Variants in ABCC4 observed in about 807,000 individuals in gnomAD.
ABCC4 encodes the protein ATP-binding cassette sub-family C member 4.
Under a neutral mutation model 168.5 loss-of-function variants are expected in ABCC4, and 102 were observed. That is an observed-to-expected ratio of 0.61 (90% CI 0.52 to 0.71). The LOEUF (loss-of-function observed/expected upper bound fraction) is 0.71, where lower values mean the gene tolerates loss of function less well. ABCC4 is among the 30% of genes least tolerant of loss of function. The probability of loss-of-function intolerance (pLI) is 0.00; values close to 1 mark genes in which losing one functional copy is unlikely to be tolerated. For missense variants in ABCC4, 1,402 were observed against 1,605.8 expected, an observed-to-expected ratio of 0.87 and a Z score of 2.17; for synonymous variants, 617 against 590.7, an observed-to-expected ratio of 1.04 and a Z score of -0.65.
At chr13:95,031,264 G>A (rs1438640503) in intron 30 of ABCC4, among the ~76,000 whole-genome samples, 4 of 152,172 alleles carry the variant, frequency 2.6e-5, no homozygotes, top group African/African-American at 9.7e-5. Flanking sequence ...TAGAGGAGGT[G>A]ACCTGAGCCA....
chr13:95,063,257 G>A (rs1220827949), intron 25 of ABCC4, among the ~76,000 whole-genome samples: 1 of 152,154 alleles, frequency 6.6e-6, no homozygotes, highest in Non-Finnish European at 1.5e-5. Context: ...TCTCCTAAGT[G>A]GCCCATGAAA....
Position 95,291,355 on chromosome 13 carries a change from C to CA in ABCC4, c.74+9885dup, listed in dbSNP as rs773811081. 6.7e-3 allele frequency among the ~76,000 whole-genome samples: 901 copies of CA among 134,648 alleles called. 6 individuals carry two copies. The highest frequency in any genetic ancestry group is 0.042 in the Middle Eastern group (11 of 264). 88.3% of individuals were successfully genotyped at this position (134,648 alleles called of 152,430 possible). ...TGGCTGGCAAGGCAAGATCCTGTCT[C>CA]AAAAAAAAAAAAAAGACAGAAGTGC... On this transcript the variant is annotated intron_variant, in intron 1 of 30. Transcript: ENST00000645237.
chr13:95,176,167 G>A (rs1389782976), intron 13 of ABCC4, among the ~76,000 whole-genome samples: 7 of 141,244 alleles, frequency 5.0e-5, no homozygotes, highest in South Asian at 4.5e-4. Flanking sequence ...AAAGATTGTC[G>A]TATGCCAGGT....
chr13:95,037,123 C>T (rs2139228272), intron 29 of ABCC4, among the ~76,000 whole-genome samples: 1 of 148,744 alleles, frequency 6.7e-6, no homozygotes, highest in Middle Eastern at 3.6e-3. Flanking sequence ...CCAAATAACC[C>T]CCCAAATATA....
At chr13:95,030,794 TCTGTGCTA>T in intron 30 of ABCC4, among the ~76,000 whole-genome samples, 1 of 152,358 alleles carries the variant, frequency 6.6e-6, no homozygotes. Context: ...AGCCAGCTAG[TCTGTGCTA>T]CTTTGCTATG....
At chr13:95,113,992 A>G (rs1471252855) in intron 20 of ABCC4, among the ~76,000 whole-genome samples, 1 of 152,190 alleles carries the variant, frequency 6.6e-6, no homozygotes, top group Admixed American at 6.5e-5. Context: ...CCTGCAAACA[A>G]AACAAGTGAC....
intron 19 of ABCC4, among the ~76,000 whole-genome samples, chr13:95,134,518 C>T (rs986530821): frequency 8.6e-5 from 13 of 151,978 alleles, no homozygotes; most frequent in Admixed American, 7.2e-4. Flanking sequence ...CTCAGGAGTT[C>T]GAGATCAGCC....
At chr13:95,142,444 G>A (rs1358072793) in intron 19 of ABCC4, among the ~76,000 whole-genome samples, 2 of 152,172 alleles carry the variant, frequency 1.3e-5, no homozygotes. Flanking sequence ...AGGTTGGAAA[G>A]GGGGTGAAGG....
intron 1 of ABCC4, among the ~76,000 whole-genome samples, chr13:95,250,858 G>C (rs2040238692): frequency 1.4e-5 from 2 of 145,642 alleles, no homozygotes; most frequent in Admixed American, 7.2e-5. Flanking sequence ...GATCCGATCA[G>C]AGCTCAGCAG....
chr13:95,283,130 C>T (rs921093424), intron 1 of ABCC4, among the ~76,000 whole-genome samples: 18 of 151,058 alleles, frequency 1.2e-4, no homozygotes, highest in Non-Finnish European at 2.5e-4. Context: ...GCAGGAGAAT[C>T]GCTTGAACCT....
intron 19 of ABCC4, among the ~76,000 whole-genome samples, chr13:95,133,108 C>CTTTTTTTT (rs761691210): frequency 2.7e-5 from 3 of 110,668 alleles, no homozygotes; most frequent in African/African-American, 7.5e-5. Context: ...GATTTTAAAA[C>CTTTTTTTT]TTTTTTTTTT....
intron 1 of ABCC4, among the ~76,000 whole-genome samples, chr13:95,255,008 T>C (rs17189533): frequency 0.065 from 9,855 of 152,310 alleles, 473 homozygotes; most frequent in Non-Finnish European, 0.1. Flanking sequence ...TACGAGTCCA[T>C]GATATCAACT....
At chr13:95,083,957 G>A (rs749264127) in intron 20 of ABCC4, among the ~76,000 whole-genome samples, 13 of 152,104 alleles carry the variant, frequency 8.5e-5, no homozygotes, top group Non-Finnish European at 1.2e-4. Flanking sequence ...GATGTTATGC[G>A]GGAAATGAGC....
At chr13:95,272,978 C>CA (rs1484536286) in intron 1 of ABCC4, among the ~76,000 whole-genome samples, 1 of 152,212 alleles carries the variant, frequency 6.6e-6, no homozygotes, top group Non-Finnish European at 1.5e-5. Context: ...CACACACACA[C>CA]ACCCCCTACA....
intron 13 of ABCC4, among the ~76,000 whole-genome samples, chr13:95,175,755 C>G (rs2037656826): frequency 6.6e-6 from 1 of 152,176 alleles, no homozygotes; most frequent in Admixed American, 6.5e-5. Context: ...ATCAGCAGGC[C>G]AAGAAAGCCC....
chr13:95,102,966 C>A, intron 20 of ABCC4, among the ~76,000 whole-genome samples: 1 of 151,524 alleles, frequency 6.6e-6, no homozygotes, highest in Non-Finnish European at 1.5e-5. Context: ...AACACTCACA[C>A]CTTTAAAACC....
chr13:95,222,539 G>A (rs1262837702), intron 4 of ABCC4, among the ~76,000 whole-genome samples: 1 of 152,186 alleles, frequency 6.6e-6, no homozygotes, highest in Admixed American at 6.5e-5. Flanking sequence ...GTGGGGTGGG[G>A]GTGCTACAAG....
intron 19 of ABCC4, among the ~76,000 whole-genome samples, chr13:95,153,458 A>G (rs2036757092): frequency 6.6e-6 from 1 of 152,190 alleles, no homozygotes; most frequent in Non-Finnish European, 1.5e-5. Context: ...GAACTTACAT[A>G]TATCGAGAGA....
At chr13:95,152,877 A>C (rs1442773283) in intron 19 of ABCC4, among the ~76,000 whole-genome samples, 2 of 152,212 alleles carry the variant, frequency 1.3e-5, no homozygotes, top group African/African-American at 4.8e-5. Context: ...CAGAGTTCTC[A>C]TATGAGAACT....
Sources: gnomAD v4.1 joint callset for allele counts (sites outside exome capture counted in the v4.1 genomes callset) on GRCh38, gnomAD v4.1.1 for gene constraint, MANE v1.5 for transcripts, NCBI Gene and HGNC (gene_info 2026-07-23, HGNC 2026-07-21) for gene names.